The following STON2 variants were observed in gnomAD, a reference collection of about 807,000 sequenced individuals.
STON2 encodes the protein stonin-2.
In STON2, 29 loss-of-function variants were observed where a neutral mutation model predicts 65.7. The ratio of observed to expected loss-of-function variants is 0.44; its 90% CI spans 0.33 to 0.60. STON2 has a LOEUF of 0.60. STON2 is among the 20% of genes least tolerant of loss of function. The probability of loss-of-function intolerance (pLI) is 0.03; values close to 1 mark genes in which losing one functional copy is unlikely to be tolerated. For missense variants in STON2, 1,054 were observed against 1,118.1 expected (o/e 0.94, Z 0.82); for synonymous variants, 404 against 414.2 (o/e 0.98, Z 0.30).
intron 1 of STON2, among the ~76,000 whole-genome samples, chr14:81,427,618 G>A (rs1902043883): frequency 6.6e-6 from 1 of 152,030 alleles, no homozygotes; most frequent in South Asian, 2.1e-4. Context: ...TTGATGGGTG[G>A]TGACTGAGAA....
At chr14:81,372,484 G>A (rs1899046149) in intron 3 of STON2, among the ~76,000 whole-genome samples, 1 of 151,826 alleles carries the variant, frequency 6.6e-6, no homozygotes, top group African/African-American at 2.4e-5. Flanking sequence ...GAACCCAGGA[G>A]GCGGGTGTCG....
At chr14:81,335,916 T>C (rs1897354400) in intron 4 of STON2, among the ~76,000 whole-genome samples, 1 of 152,014 alleles carries the variant, frequency 6.6e-6, no homozygotes, top group Admixed American at 6.6e-5. Flanking sequence ...AGGAGGTACC[T>C]GAAAAGGTAA....
chr14:81,271,193 G>A (rs1894576912), intron 6 of STON2, among the ~76,000 whole-genome samples: 1 of 152,118 alleles, frequency 6.6e-6, no homozygotes, highest in Non-Finnish European at 1.5e-5. Flanking sequence ...AGAAATAAGG[G>A]GTAAGGATGT....
intron 5 of STON2, among the ~76,000 whole-genome samples, chr14:81,312,455 T>C (rs1896462445): frequency 6.6e-6 from 1 of 152,246 alleles, no homozygotes; most frequent in Admixed American, 6.5e-5. Context: ...GAGCTTATGC[T>C]TTCTACTGAA....
chr14:81,330,621 A>G (rs1052899096), intron 4 of STON2, among the ~76,000 whole-genome samples: 8 of 152,230 alleles, frequency 5.3e-5, no homozygotes, highest in Non-Finnish European at 1.0e-4. Context: ...CAAAGCTCCA[A>G]GAGAGCCAGT....
intron 6 of STON2, among the ~76,000 whole-genome samples, chr14:81,275,110 G>A (rs1894759716): frequency 1.3e-5 from 2 of 151,982 alleles, no homozygotes; most frequent in African/African-American, 2.4e-5. Context: ...TTGTTGCTTA[G>A]GGTAGCCGAT....
chr14:81,412,933 C>T, intron 2 of STON2: 3 of 742,420 alleles, frequency 4.0e-6, no homozygotes, highest in South Asian at 1.7e-5. Context: ...CCCAGGAGAC[C>T]GTTGCAGTCA....
intron 5 of STON2, among the ~76,000 whole-genome samples, chr14:81,281,717 T>TGAAA (rs1334931512): frequency 2.0e-5 from 3 of 152,226 alleles, no homozygotes; most frequent in Non-Finnish European, 2.9e-5. Flanking sequence ...ATCATTTTCT[T>TGAAA]ACAATAAATT....
At chr14:81,348,500 A>G (rs1897901903) in intron 4 of STON2, among the ~76,000 whole-genome samples, 2 of 152,162 alleles carry the variant, frequency 1.3e-5, no homozygotes, top group South Asian at 4.1e-4. Flanking sequence ...AATCCTATTT[A>G]CAATAACTAC....
chr14:81,302,108 G>A (rs1895991051), intron 5 of STON2, among the ~76,000 whole-genome samples: 1 of 152,146 alleles, frequency 6.6e-6, no homozygotes, highest in South Asian at 2.1e-4. Flanking sequence ...GGACTAATGG[G>A]AGTAGTAGCC....
At chr14:81,292,697 ACC>A (rs2140160058) in intron 5 of STON2, among the ~76,000 whole-genome samples, 1 of 152,182 alleles carries the variant, frequency 6.6e-6, no homozygotes, top group Non-Finnish European at 1.5e-5. Context: ...TTTATAAATT[ACC>A]CAGTCTTGGG....
At chr14:81,279,284 TAAGAAA>T (rs1387874522) in intron 5 of STON2, among the ~76,000 whole-genome samples, 1 of 151,926 alleles carries the variant, frequency 6.6e-6, no homozygotes. Flanking sequence ...TACATGTGAA[TAAGAAA>T]AACACAAAAA....
chr14:81,375,184 G>A (rs1899193468), intron 3 of STON2, among the ~76,000 whole-genome samples: 1 of 151,844 alleles, frequency 6.6e-6, no homozygotes, highest in African/African-American at 2.4e-5. Context: ...TATCCTTAAA[G>A]GAGGAAAGAA....
At chr14:81,377,479 T>G (rs1266573737) in intron 3 of STON2, among the ~76,000 whole-genome samples, 1 of 152,224 alleles carries the variant, frequency 6.6e-6, no homozygotes, top group East Asian at 1.9e-4. Context: ...TAAACATTTG[T>G]GTACAGGTTT....
intron 4 of STON2, among the ~76,000 whole-genome samples, chr14:81,350,198 A>C (rs1467178821): frequency 6.6e-6 from 1 of 152,146 alleles, no homozygotes; most frequent in Non-Finnish European, 1.5e-5. Flanking sequence ...AGCTAGAGAG[A>C]ATATGTGAAA....
chr14:81,386,177 A>C (rs1899793394), intron 3 of STON2, among the ~76,000 whole-genome samples: 1 of 152,214 alleles, frequency 6.6e-6, no homozygotes, highest in South Asian at 2.1e-4. Flanking sequence ...GACTCCACAA[A>C]GGTCATTAAC....
In STON2 at chr14:81,263,761, A is replaced by G. The variant is rs1230849816; in HGVS notation, c.*4653T>C. 5.3e-5 allele frequency: 52 copies of G among 985,238 alleles called. No homozygotes were observed. Among genetic ancestry groups the G allele is most frequent in the Non-Finnish European group, 5.7e-5 (47 of 829,928 alleles). The allele number at this position is 985,238 out of a possible 1,614,324, so 61.0% of individuals were successfully genotyped here. On this transcript the variant is annotated 3_prime_UTR_variant, in exon 8 of 8. Coordinates refer to ENST00000614646, the MANE Select transcript of STON2 (RefSeq NM_001394390.1). ...TAGAAGAGTTAAAGTTACCACTCGA[A>G]CTGGGAGCATTTCTATAAGCAGGCT...
At chr14:81,392,005 C>A (rs1438209975) in intron 3 of STON2, among the ~76,000 whole-genome samples, 1 of 152,088 alleles carries the variant, frequency 6.6e-6, no homozygotes, top group Non-Finnish European at 1.5e-5. Flanking sequence ...ATTCTTAGGA[C>A]AATGCAGGGC....
chr14:81,277,001 G>C lies in STON2; in HGVS notation c.2481C>G (p.Gly827=). The change falls in exon 6 of 8, where the codon GGC becomes GGG. Residue 827 remains glycine (G), a synonymous_variant. Transcript: ENST00000614646. The part of the protein sequence containing the change: ...GASFGSTSVS[G]SEPVMRVTLG... ...GAGTTACTCTCATGACAGGCTCAGA[G>C]CCAGAAACACTAGTGGAGCCAAAAC... 6.2e-7 allele frequency: 1 copy of C among 1,614,198 alleles called. No homozygotes were observed. Among genetic ancestry groups the C allele is most frequent in the Admixed American group, 1.7e-5 (1 of 60,030 alleles).
Sources: allele counts gnomAD v4.1 joint callset (sites outside exome capture counted in the v4.1 genomes callset), GRCh38; gene constraint gnomAD v4.1.1; transcripts MANE v1.5; gene names NCBI Gene and HGNC (gene_info 2026-07-23, HGNC 2026-07-21).